CRB2: variants seen among roughly 807,000 people sequenced by gnomAD.
CRB2 encodes the protein crumbs cell polarity complex component 2, also known as protein crumbs homolog 2.
Under a neutral mutation model 110.9 loss-of-function variants are expected in CRB2, and 85 were observed. The ratio of observed to expected loss-of-function variants is 0.77; its 90% CI spans 0.64 to 0.92. CRB2 has a LOEUF of 0.92. CRB2 is among the 40% of genes least tolerant of loss of function. The pLI is 0.00. For synonymous variants in CRB2, 907 were observed against 831.0 expected (o/e 1.09, Z -1.57); for missense variants, 1,843 against 1,851.3 (o/e 1.00, Z 0.08).
Position 123,373,904 on chromosome 9 carries a change from G to C in CRB2, c.3373G>C (p.Gly1125Arg), listed in dbSNP as rs543547663. 24 of 1,548,530 alleles carry C rather than the reference G, an allele frequency of 1.5e-5. No homozygotes were observed. The highest frequency in any genetic ancestry group is 1.9e-5 in the Non-Finnish European group (22 of 1,148,018). ...RFECRCPPGF[G>R]GPRCRLPVPS... is the part of the protein sequence containing the mutation. ...CGAGTGCCGCTGCCCGCCTGGCTTCGGGGGCCCGCGCTGCAGGTGGGATGG... is the reference window on the plus strand; with the variant it reads ...CGAGTGCCGCTGCCCGCCTGGCTTCCGGGGCCCGCGCTGCAGGTGGGATGG... Residue 1125 changes from glycine to arginine, a missense_variant, in exon 10 of 13, where the codon GGG (glycine) becomes CGG (arginine). Coordinates refer to ENST00000373631, the MANE Select transcript of CRB2 (RefSeq NM_173689.7).
chr9:123,375,387 G>C, intron 12 of CRB2, 44 bp downstream of exon 12: 1 of 1,533,472 alleles, frequency 6.5e-7, no homozygotes, highest in Non-Finnish European at 8.8e-7. Context: ...TGGCCTGCTG[G>C]GCCCTTGGCG....
At chr9:123,379,117 G>A (rs1232859703), downstream of CRB2, among the ~76,000 whole-genome samples, 2 of 51,024 alleles carry the variant, frequency 3.9e-5, no homozygotes, top group Admixed American at 4.2e-4. Flanking sequence ...CGTGCCTGTC[G>A]TTTTCAGCCT....
downstream of CRB2, chr9:123,378,846 G>C (rs2042154469): frequency 1.1e-5 from 1 of 92,660 alleles, no homozygotes; most frequent in African/African-American, 3.9e-5. Flanking sequence ...ATGGAGTCTA[G>C]TTCTGTCACC....
intron 1 of CRB2, 30 bp downstream of exon 1, chr9:123,356,384 T>C: frequency 6.7e-7 from 1 of 1,486,482 alleles, no homozygotes; most frequent in Non-Finnish European, 9.0e-7. Flanking sequence ...TGGAGGGGCC[T>C]GGGAGAGGGT....
rs190836316 is a variant in CRB2, at chr9:123,374,122, G to C, written c.3389+202G>C. On this transcript the variant is annotated intron_variant, in intron 10 of 12. Coordinates refer to ENST00000373631, the MANE Select transcript of CRB2 (RefSeq NM_173689.7). ...CACAACCAGTTAGCCTGGAATTTCA[G>C]ATAAACAGCGCTGTGGTCTGGGGCT... 2.0e-4 allele frequency: 161 copies of C among 811,320 alleles called. 3 individuals carry two copies. Among genetic ancestry groups the C allele is most frequent in the East Asian group, 1.9e-3 (69 of 36,568 alleles). The allele number at this position is 811,320 out of a possible 1,614,324, so 50.3% of individuals were successfully genotyped here.
intron 12 of CRB2, among the ~76,000 whole-genome samples, chr9:123,376,502 C>G (rs895250554): frequency 3.9e-5 from 6 of 152,086 alleles, no homozygotes; most frequent in African/African-American, 1.5e-4. Flanking sequence ...CTCAGCCTGC[C>G]CCTGCTCCTG....
At position 123,376,589 on chromosome 9, in the gene CRB2, C is replaced by T. The variant is rs190373046; in HGVS notation, c.3634-249C>T. 5.1e-4 allele frequency among the ~76,000 whole-genome samples: 78 copies of T among 152,280 alleles called. 1 individual carries two copies. In the East Asian group the frequency reaches 7.0e-3, roughly 14 times the overall value. On this transcript the variant is annotated intron_variant, in intron 12 of 12. Transcript: ENST00000373631. ...TAGCTCCTGCCGGGTGTTCAATAAA[C>T]GCCCATCTCTGTCCTTCTAGCCAGA...
chr9:123,367,708 C>G (rs542745329), intron 6 of CRB2, 22 bp downstream of exon 6: 9 of 1,475,950 alleles, frequency 6.1e-6, no homozygotes, highest in Middle Eastern at 3.5e-4. Flanking sequence ...GGGGTGGGCC[C>G]TGGGACCATC....
Position 123,377,015 on chromosome 9 carries a change from G to C in CRB2, c.3811G>C (p.Glu1271Gln). 1 of 1,607,866 alleles carries C rather than the reference G, an allele frequency of 6.2e-7. No homozygotes were observed. The highest frequency in any genetic ancestry group is 8.5e-7 in the Non-Finnish European group (1 of 1,177,886). ...GCAGGAGGTGGCTGGGGCCCGGCTG[G>C]AGATGGACAGTGTCCTCAAGGTGCC... is the stretch of plus-strand genomic sequence containing the variant. ...SQQEVAGARL[E>Q]MDSVLKVPPE... Residue 1271 changes from glutamate (E) to glutamine (Q), a missense_variant, in exon 13 of 13, where the codon GAG becomes CAG. Coordinates refer to ENST00000373631, the MANE Select transcript of CRB2 (RefSeq NM_173689.7).
intron 1 of CRB2, among the ~76,000 whole-genome samples, chr9:123,356,588 G>A (rs1010362843): frequency 6.6e-6 from 1 of 151,740 alleles, no homozygotes; most frequent in African/African-American, 2.4e-5. Flanking sequence ...GTAAGTTTCG[G>A]GGTTGGGGGA....
In CRB2 at chr9:123,372,219, A is replaced by T. The variant is rs1157041392; in HGVS notation, c.2479A>T (p.Asn827Tyr). Residue 827 changes from asparagine (N) to tyrosine (Y), a missense_variant, in exon 9 of 13, where the codon AAT (asparagine) becomes TAT (tyrosine). Coordinates refer to ENST00000373631, the MANE Select transcript of CRB2 (RefSeq NM_173689.7). Reference sequence around the variant, plus strand: ...TGGTGGGACTTGCCTCGTCACCTGGAATGACTTCCACTGTACCTGCCCTGC... The same window carrying T: ...TGGTGGGACTTGCCTCGTCACCTGGTATGACTTCCACTGTACCTGCCCTGC... ...FNGGTCLVTW[N>Y]DFHCTCPANF... 1 of 1,614,038 alleles carries T rather than the reference A, an allele frequency of 6.2e-7. No homozygotes were observed. The highest frequency in any genetic ancestry group is 2.2e-5 in the East Asian group (1 of 44,878).
chr9:123,367,451 A>ACACCCCCCC, intron 5 of CRB2, 94 bp downstream of exon 5: 2 of 133,446 alleles, frequency 1.5e-5, no homozygotes, highest in Non-Finnish European at 2.3e-5. Context: ...CCCCCACCCC[A>ACACCCCCCC]CACCCCACAC....
intron 12 of CRB2, among the ~76,000 whole-genome samples, chr9:123,376,300 C>T (rs1407318346): frequency 1.3e-5 from 2 of 152,198 alleles, no homozygotes; most frequent in Non-Finnish European, 1.5e-5. Flanking sequence ...GAGTCCCAGG[C>T]ATGTAGAGGC....
At position 123,378,465 on chromosome 9, in the gene CRB2, T is replaced by C. The variant is rs144351783; in HGVS notation, c.*1403T>C. 1 of 152,242 alleles carries C rather than the reference T, an allele frequency of 6.6e-6. No individual in the cohort carries two copies. Among genetic ancestry groups the C allele is most frequent in the African/African-American group, 2.4e-5 (1 of 41,450 alleles). The allele number at this position is 152,242 out of a possible 1,614,324, so 9.4% of individuals were successfully genotyped here. A position where few individuals can be genotyped will look rare whatever the true frequency, so the allele number is the denominator to read the frequency against. ...GGGTCCCAGAGGCATGGGTGTCCAG[T>C]CCAATGTGGGGAGCCACGTGACAAC... On this transcript the variant is annotated 3_prime_UTR_variant, in exon 13 of 13. Coordinates refer to ENST00000373631, the MANE Select transcript of CRB2 (RefSeq NM_173689.7).
At chr9:123,374,120 C>A in intron 10 of CRB2, 200 bp downstream of exon 10, 1 of 816,116 alleles carries the variant, frequency 1.2e-6, no homozygotes, top group South Asian at 1.5e-5. Flanking sequence ...CCTGGAATTT[C>A]AGATAAACAG....
chr9:123,354,525 G>T (rs1375119933), upstream of CRB2, among the ~76,000 whole-genome samples: 1 of 152,260 alleles, frequency 6.6e-6, no homozygotes, highest in African/African-American at 2.4e-5. Context: ...AGAGAAGGAA[G>T]TCACGTGCTG....
rs777241213 is a variant in CRB2, at chr9:123,370,658, C to T, written c.1605C>T (p.Leu535=). ...ATCTAGCGACCCTGGAGCTACGGCT[C>T]TGGCATGAGGGCTGCCCTGCCCGGC... ...VLHLATLELR[L]WHEGCPARLC... Residue 535 remains leucine (L), a synonymous_variant, in exon 7 of 13, where the codon CTC becomes CTT. Coordinates refer to ENST00000373631, the MANE Select transcript of CRB2 (RefSeq NM_173689.7). 1 of 1,608,142 alleles carries T rather than the reference C, an allele frequency of 6.2e-7. No individual in the cohort carries two copies. The highest frequency in any genetic ancestry group is 1.7e-5 in the Admixed American group (1 of 60,024).
intron 5 of CRB2, 97 bp from the exon 6 acceptor site, chr9:123,367,472 CCTCT>C: frequency 8.7e-7 from 1 of 1,154,082 alleles, no homozygotes; most frequent in Non-Finnish European, 1.2e-6. Flanking sequence ...CCGAGTCTGC[CCTCT>C]CTCTTGGACT....
chr9:123,367,578 G>A lies in CRB2; in HGVS notation c.946G>A (p.Asp316Asn), dbSNP rs201386154. 9.6e-5 allele frequency: 150 copies of A among 1,555,502 alleles called. No individual in the cohort carries two copies. In the East Asian group the frequency reaches 1.1e-3, roughly 11 times the overall value. ...CACAGCTGGGCCTCTTACAGGAGCC[G>A]ACTGCGGTGTGGAGGTGGACGAGTG... ...CHCPPGFEGA[D>N]CGVEVDECAS... Residue 316 changes from aspartate to asparagine, a missense_variant, in exon 6 of 13, where the codon GAC becomes AAC. Physicochemically the swap from Asp to Asn is conservative, Grantham distance 23. Coordinates refer to ENST00000373631, the MANE Select transcript of CRB2 (RefSeq NM_173689.7).
Sources: allele counts gnomAD v4.1 joint callset (sites outside exome capture counted in the v4.1 genomes callset), GRCh38; gene constraint gnomAD v4.1.1; transcripts MANE v1.5; gene names NCBI Gene and HGNC (gene_info 2026-07-23, HGNC 2026-07-21).